The following RANBP2 variants were observed in gnomAD, a reference collection of about 807,000 sequenced individuals.
RANBP2 encodes RAN binding protein 2.
A neutral mutation model predicts 303.6 loss-of-function variants in RANBP2; 57 were observed. The ratio of observed to expected loss-of-function variants is 0.19; its 90% CI spans 0.15 to 0.23. The LOEUF (loss-of-function observed/expected upper bound fraction) is 0.23. RANBP2 is among the 10% of genes least tolerant of loss of function. RANBP2 has a pLI of 1.00. For missense variants in RANBP2, 3,138 were observed against 3,780.8 expected (o/e 0.83, Z 4.46); for synonymous variants, 1,167 against 1,301.5 (o/e 0.90, Z 2.23).
chr2:109,436,557 G>T, the RANBP2 span, among the ~76,000 whole-genome samples: 1 of 152,258 alleles, frequency 6.6e-6, no homozygotes, highest in South Asian at 2.1e-4. Flanking sequence ...TGAGTCATCT[G>T]TTCTTTCTGG....
At chr2:108,832,065 T>C in the RANBP2 span, among the ~76,000 whole-genome samples, 1 of 151,708 alleles carries the variant, frequency 6.6e-6, no homozygotes, top group Non-Finnish European at 1.5e-5. Flanking sequence ...AGTCTCACTC[T>C]GTCGCCCAGG....
the RANBP2 span, among the ~76,000 whole-genome samples, chr2:108,868,901 GA>G: frequency 2.0e-5 from 3 of 151,688 alleles, no homozygotes; most frequent in African/African-American, 7.3e-5. Flanking sequence ...TACCTTTTGT[GA>G]AAGAAAAAAA....
the RANBP2 span, among the ~76,000 whole-genome samples, chr2:109,297,929 G>C: frequency 2.6e-5 from 4 of 151,838 alleles, no homozygotes; most frequent in African/African-American, 9.7e-5. Context: ...CCAGATGTGT[G>C]TTCCCCCCCC....
intron 9 of RANBP2, among the ~76,000 whole-genome samples, chr2:108,750,386 A>G (rs1425881617): frequency 6.6e-6 from 1 of 152,200 alleles, no homozygotes; most frequent in African/African-American, 2.4e-5. Context: ...TCCACTGTTA[A>G]TAATCATACT....
At chr2:109,095,858 T>C in the RANBP2 span, among the ~76,000 whole-genome samples, 2 of 152,252 alleles carry the variant, frequency 1.3e-5, no homozygotes, top group African/African-American at 4.8e-5. Context: ...TTTTCTCTTT[T>C]GAAAATATTT....
chr2:109,213,563 A>G, the RANBP2 span, among the ~76,000 whole-genome samples: 2 of 152,178 alleles, frequency 1.3e-5, no homozygotes, highest in South Asian at 4.1e-4. Context: ...GGGCTCTTAA[A>G]GCAAGGAAGA....
chr2:109,337,253 T>C, the RANBP2 span, among the ~76,000 whole-genome samples: 1 of 152,096 alleles, frequency 6.6e-6, no homozygotes, highest in Admixed American at 6.5e-5. Context: ...AGGTAAGAGC[T>C]TGGGCTCCCT....
the RANBP2 span, among the ~76,000 whole-genome samples, chr2:109,190,760 C>T: frequency 3.3e-5 from 5 of 151,956 alleles, no homozygotes. Flanking sequence ...TGACTCACAC[C>T]CATAGAATGG....
rs1558941387 is a variant in RANBP2, at chr2:108,781,344, A to G, written c.8675A>G (p.Lys2892Arg). 1 of 1,614,118 alleles carries G rather than the reference A, an allele frequency of 6.2e-7. No individual in the cohort carries two copies. Among genetic ancestry groups the G allele is most frequent in the Non-Finnish European group, 8.5e-7 (1 of 1,180,050 alleles). ...TCAGTCGGAACCCAGTCAGCCGGTA[A>G]AGTTGGTGAAGATGAAGATGGTAGT... ...TQSVGTQSAG[K>R]VGEDEDGSDE... is the part of the protein sequence containing the mutation. Residue 2892 changes from lysine (K) to arginine (R), a missense_variant, in exon 26 of 29, where the codon AAA (lysine) becomes AGA (arginine). Around this residue, in one of 20 missense-constraint regions of RANBP2, gnomAD observed 497 missense variants for 465.8 expected, o/e 1.07. Transcript: ENST00000283195.
At chr2:108,742,100 G>A (rs555949968) in intron 7 of RANBP2, among the ~76,000 whole-genome samples, 6 of 151,090 alleles carry the variant, frequency 4.0e-5, no homozygotes, top group Admixed American at 6.6e-5. Flanking sequence ...GGGTTCAAGC[G>A]ATTGTCCTGC....
chr2:108,814,704 T>A, the RANBP2 span, among the ~76,000 whole-genome samples: 1 of 151,398 alleles, frequency 6.6e-6, no homozygotes, highest in Admixed American at 6.6e-5. Context: ...GGTCTCACTC[T>A]GTCACCCAGG....
chr2:109,024,144 C>T, the RANBP2 span, among the ~76,000 whole-genome samples: 2 of 152,116 alleles, frequency 1.3e-5, no homozygotes, highest in Non-Finnish European at 2.9e-5. Flanking sequence ...AGGCTGGTCT[C>T]GAACTCCCAA....
the RANBP2 span, among the ~76,000 whole-genome samples, chr2:109,474,963 GGTT>G: frequency 5.9e-5 from 9 of 151,340 alleles, no homozygotes; most frequent in African/African-American, 2.2e-4. Context: ...GTTTTGTTTG[GGTT>G]TTTTTTGTTT....
chr2:109,144,179 A>G, the RANBP2 span, among the ~76,000 whole-genome samples: 2 of 152,242 alleles, frequency 1.3e-5, no homozygotes, highest in South Asian at 4.1e-4. Context: ...CTTTGCTAAA[A>G]GAATAGATTT....
At chr2:109,032,365 T>G in the RANBP2 span, among the ~76,000 whole-genome samples, 1 of 152,166 alleles carries the variant, frequency 6.6e-6, no homozygotes, top group Non-Finnish European at 1.5e-5. Context: ...GGGTTAGAAC[T>G]TTAGAACTCC....
At chr2:109,283,939 C>T in the RANBP2 span, among the ~76,000 whole-genome samples, 1 of 152,172 alleles carries the variant, frequency 6.6e-6, no homozygotes, top group Non-Finnish European at 1.5e-5. Flanking sequence ...CTTGGGGAGG[C>T]CGTGTTTCCG....
At chr2:108,780,021 G>T (rs1322492557) in intron 25 of RANBP2, among the ~76,000 whole-genome samples, 3 of 152,142 alleles carry the variant, frequency 2.0e-5, no homozygotes, top group Non-Finnish European at 4.4e-5. Flanking sequence ...AATTTTAGAA[G>T]TAGGTAAAAA....
the RANBP2 span, among the ~76,000 whole-genome samples, chr2:109,316,740 C>A: frequency 5.4e-4 from 82 of 152,262 alleles, 1 homozygote; most frequent in Non-Finnish European, 1.1e-3. Flanking sequence ...TGCGATGTAT[C>A]CACCATTAGA....
At chr2:109,685,919 A>C in the RANBP2 span, among the ~76,000 whole-genome samples, 56,678 of 151,472 alleles carry the variant, frequency 0.37, 10,844 homozygotes, top group Middle Eastern at 0.48. Context: ...TTTGGGTAAA[A>C]CCCCCCCAAA....
Sources: allele counts gnomAD v4.1 joint callset (sites outside exome capture counted in the v4.1 genomes callset), GRCh38; gene constraint gnomAD v4.1.1; regional missense constraint gnomAD v4.1.1; transcripts MANE v1.5; gene names NCBI Gene and HGNC (gene_info 2026-07-23, HGNC 2026-07-21).